ASXL1: variants seen among roughly 807,000 people sequenced by gnomAD.
ASXL1 encodes polycomb group protein ASXL1.
Under a neutral mutation model 89.1 loss-of-function variants are expected in ASXL1, and 65 were observed. That is an observed-to-expected ratio of 0.73 (90% CI 0.60 to 0.90). The LOEUF (loss-of-function observed/expected upper bound fraction) is 0.90, where lower values mean the gene tolerates loss of function less well. Ranked by LOEUF, ASXL1 falls within the 40% of genes least tolerant of loss-of-function variation. ASXL1 has a pLI of 0.00. For synonymous variants in ASXL1, 739 were observed against 746.9 expected, an observed-to-expected ratio of 0.99 and a Z score of 0.17; for missense variants, 1,786 against 1,942.9, an observed-to-expected ratio of 0.92 and a Z score of 1.52.
intron 4 of ASXL1, among the ~76,000 whole-genome samples, chr20:32,393,996 ATTTTTT>A (rs11312197): frequency 4.2e-4 from 42 of 100,960 alleles, no homozygotes; most frequent in African/African-American, 1.3e-3. Context: ...ACACCTGGCT[ATTTTTT>A]TTTTTTTTTT....
At chr20:32,378,383 G>C (rs79929071) in intron 4 of ASXL1, among the ~76,000 whole-genome samples, 7,848 of 152,016 alleles carry the variant, frequency 0.052, 282 homozygotes, top group Non-Finnish European at 0.074. Context: ...CATTTTTGGC[G>C]TCAGGTTGGC....
intron 4 of ASXL1, among the ~76,000 whole-genome samples, chr20:32,395,453 C>T (rs2048745555): frequency 6.6e-6 from 1 of 152,126 alleles, no homozygotes; most frequent in African/African-American, 2.4e-5. Context: ...CTTTTTATCA[C>T]TGCTTTTTCA....
At chr20:32,406,566 T>G (rs749929563) in intron 4 of ASXL1, among the ~76,000 whole-genome samples, 1 of 152,034 alleles carries the variant, frequency 6.6e-6, no homozygotes, top group Non-Finnish European at 1.5e-5. Flanking sequence ...TATTCCCTAA[T>G]ATATTTACCT....
chr20:32,411,306 C>T (rs1307476310), intron 4 of ASXL1, among the ~76,000 whole-genome samples: 1 of 134,768 alleles, frequency 7.4e-6, no homozygotes, highest in Admixed American at 8.3e-5. Context: ...CGGCTCACTG[C>T]AACCTCTGTC....
intron 4 of ASXL1, among the ~76,000 whole-genome samples, chr20:32,395,573 TA>T (rs2048747937): frequency 6.6e-6 from 1 of 152,220 alleles, no homozygotes; most frequent in African/African-American, 2.4e-5. Flanking sequence ...TTTCTTGAAA[TA>T]TTTTTCTTTT....
At position 32,359,649 on chromosome 20, in the gene ASXL1, T is replaced by C. The variant is rs550540664; in HGVS notation, c.57+817T>C. On this transcript the variant is annotated intron_variant, in intron 1 of 12. Coordinates refer to ENST00000375687, the MANE Select transcript of ASXL1 (RefSeq NM_015338.6). ...AATCCACTTTGCAAAGAATGTATGT[T>C]GGACAAAGACAAAGTATCTCTGTTG... The C allele has an allele frequency of 1.4e-5, 10 of 716,550 alleles. No individual in the cohort carries two copies. In the East Asian group the frequency reaches 2.4e-4, roughly 17 times the overall value. 44.4% of individuals were successfully genotyped at this position (716,550 alleles called of 1,614,324 possible). A position where few individuals can be genotyped will look rare whatever the true frequency, so the allele number is the denominator to read the frequency against.
Position 32,436,762 on chromosome 20 carries a change from G to T in ASXL1, c.4050G>T (p.Gln1350His), listed in dbSNP as rs1254556412. 6.2e-7 allele frequency: 1 copy of T among 1,614,072 alleles called. No homozygotes were observed. The highest frequency in any genetic ancestry group is 1.7e-5 in the Admixed American group (1 of 60,008). ...CAAACTCCATGTCTGGTGGGGTACA[G>T]ACTCCAAGGGAAGACTGGGCTCCAA... ...PSTNSMSGGVQTPREDWAPKP... is the reference protein window; with the variant it reads ...PSTNSMSGGVHTPREDWAPKP... Residue 1350 changes from glutamine (Q) to histidine (H), a missense_variant, in exon 13 of 13, where the codon CAG (glutamine) becomes CAT (histidine). Coordinates refer to ENST00000375687, the MANE Select transcript of ASXL1 (RefSeq NM_015338.6).
At chr20:32,363,063 G>C (rs1600465037) in intron 1 of ASXL1, among the ~76,000 whole-genome samples, 1 of 152,090 alleles carries the variant, frequency 6.6e-6, no homozygotes, top group East Asian at 1.9e-4. Flanking sequence ...ATGTAGTCTA[G>C]AAAGAGACTA....
chr20:32,381,424 A>T (rs1600496547), intron 4 of ASXL1, among the ~76,000 whole-genome samples: 1 of 150,922 alleles, frequency 6.6e-6, no homozygotes, highest in Non-Finnish European at 1.5e-5. Context: ...ATGGTGTCAA[A>T]CTCCTGGGCT....
intron 4 of ASXL1, among the ~76,000 whole-genome samples, chr20:32,404,113 A>G (rs186113603): frequency 2.0e-5 from 3 of 152,232 alleles, no homozygotes; most frequent in Non-Finnish European, 4.4e-5. Flanking sequence ...CCCTGGAACT[A>G]ATTTCTTCTA....
intron 4 of ASXL1, among the ~76,000 whole-genome samples, chr20:32,412,684 A>G (rs1569297876): frequency 6.7e-6 from 1 of 150,270 alleles, no homozygotes. Flanking sequence ...CAGCCTCCCA[A>G]GTAGCTGGGA....
chr20:32,367,693 T>C, intron 2 of ASXL1, 34 bp from the exon 3 acceptor site: 2 of 780,830 alleles, frequency 2.6e-6, no homozygotes, highest in South Asian at 1.3e-5. Flanking sequence ...ATCATGCTGC[T>C]GTCTGCACTG....
intron 4 of ASXL1, among the ~76,000 whole-genome samples, chr20:32,421,926 T>C (rs2049261156): frequency 6.9e-6 from 1 of 144,202 alleles, no homozygotes; most frequent in South Asian, 2.2e-4. Context: ...TGGAGTGCAG[T>C]GGCGTGATCT....
chr20:32,420,181 A>G (rs1240247453), intron 4 of ASXL1, among the ~76,000 whole-genome samples: 1 of 151,482 alleles, frequency 6.6e-6, no homozygotes, highest in African/African-American at 2.4e-5. Context: ...TCTTGTTTCT[A>G]TTATGCATTG....
chr20:32,372,883 G>A (rs1242690075), intron 4 of ASXL1, among the ~76,000 whole-genome samples: 10 of 150,034 alleles, frequency 6.7e-5, no homozygotes, highest in African/African-American at 1.5e-4. Flanking sequence ...GTGAGCCACC[G>A]CGCCCAGCCT....
rs1223546175 is a variant in ASXL1, at chr20:32,377,102, TA to T, written c.252+7980del. Among the ~76,000 whole-genome samples the T allele has an allele frequency of 1.8e-4, 22 of 120,788 alleles. No homozygotes were observed. In the South Asian group the frequency reaches 2.6e-3, roughly 14 times the overall value. The allele number at this position is 120,788 out of a possible 152,430, so 79.2% of individuals were successfully genotyped here. ...ATGTTATATAGATATCTATATTATA[TA>T]TAATATATTAATAGATATATTAATA... On this transcript the variant is annotated intron_variant, in intron 4 of 12. Transcript: ENST00000375687.
intron 4 of ASXL1, among the ~76,000 whole-genome samples, chr20:32,377,132 T>TA (rs202004757): frequency 2.2e-5 from 3 of 138,012 alleles, no homozygotes; most frequent in African/African-American, 5.4e-5. Flanking sequence ...ATTAATATAA[T>TA]ATATATTATA....
intron 4 of ASXL1, among the ~76,000 whole-genome samples, chr20:32,403,928 G>A (rs2048914492): frequency 1.3e-5 from 2 of 151,864 alleles, no homozygotes; most frequent in African/African-American, 2.4e-5. Flanking sequence ...GGGTGCATGT[G>A]ATATTTTGAT....
intron 4 of ASXL1, among the ~76,000 whole-genome samples, chr20:32,407,524 A>G (rs1161698286): frequency 1.3e-5 from 2 of 152,234 alleles, no homozygotes; most frequent in Non-Finnish European, 2.9e-5. Context: ...GTGCGGTAGC[A>G]CAGTCACAAC....
Sources: gnomAD v4.1 joint callset for allele counts (sites outside exome capture counted in the v4.1 genomes callset) on GRCh38, gnomAD v4.1.1 for gene constraint, MANE v1.5 for transcripts, NCBI Gene and HGNC (gene_info 2026-07-23, HGNC 2026-07-21) for gene names.